Variants in TMEM259 observed in about 807,000 individuals in gnomAD.
TMEM259 encodes the protein membralin.
In TMEM259, 26 loss-of-function variants were observed where a neutral mutation model predicts 46.7. The observed-to-expected ratio is 0.56, with a 90% CI of 0.41 to 0.77. TMEM259 has a LOEUF of 0.77. Among genes scored for constraint, TMEM259 ranks in the 30% least tolerant of loss-of-function variants. The pLI is 0.00. For missense variants in TMEM259, 930 were observed against 900.5 expected, an observed-to-expected ratio of 1.03 and a Z score of -0.42; for synonymous variants, 494 against 395.1, an observed-to-expected ratio of 1.25 and a Z score of -2.97.
intron 1 of TMEM259, among the ~76,000 whole-genome samples, chr19:1,015,997 G>GAGCCCCATCACACTCCCC (rs1186865586): frequency 4.6e-5 from 7 of 152,276 alleles, no homozygotes; most frequent in Admixed American, 4.6e-4. Context: ...CACCTGGGGC[G>GAGCCCCATCACACTCCCC]AGCCCCATCA....
At chr19:1,014,097 C>A (rs2039027883) in intron 2 of TMEM259, 95 bp downstream of exon 2, 8 of 1,465,372 alleles carry the variant, frequency 5.5e-6, no homozygotes, top group Non-Finnish European at 7.4e-6. Context: ...AAGTCAAGAA[C>A]CCCAACATCC....
chr19:1,015,804 C>T (rs1266903344), intron 1 of TMEM259, among the ~76,000 whole-genome samples: 2 of 152,208 alleles, frequency 1.3e-5, no homozygotes, highest in South Asian at 4.1e-4. Context: ...ATAGGCAAGA[C>T]CACCAGGAGC....
In TMEM259 at chr19:1,011,617, G is replaced by T; in HGVS notation, c.1047C>A (p.Pro349=). ...MLEMNMAIAF[P]AAPLLTVILA... Reference sequence around the variant, plus strand: ...GGATGACGGTCAGCAGGGGCGCTGCGGGGAAGGCGATGGCCATGTTCATCT... The same window carrying T: ...GGATGACGGTCAGCAGGGGCGCTGCTGGGAAGGCGATGGCCATGTTCATCT... The change falls in exon 8 of 11, where the codon CCC becomes CCA. Residue 349 remains proline (P), a synonymous_variant. Transcript: ENST00000356663. The T allele has an allele frequency of 6.5e-7, 1 of 1,546,412 alleles. No individual in the cohort carries two copies.
At chr19:1,015,586 C>T (rs1034672007) in intron 1 of TMEM259, among the ~76,000 whole-genome samples, 1 of 152,204 alleles carries the variant, frequency 6.6e-6, no homozygotes, top group Non-Finnish European at 1.5e-5. Flanking sequence ...TCACGTCTAC[C>T]TGCTGCCCCG....
chr19:1,014,538 ACG>A (rs2039045164), intron 1 of TMEM259, 65 bp from the exon 2 acceptor site: 25 of 1,501,440 alleles, frequency 1.7e-5, no homozygotes, highest in Admixed American at 1.4e-4. Flanking sequence ...CCAAGGGCCT[ACG>A]TGATGGGGCG....
Position 1,014,276 on chromosome 19 carries a change from G to A in TMEM259, c.423C>T (p.Ala141=), listed in dbSNP as rs781696090. ...SGGRGSFPGL[A]VEPGSNLDME... ...TGTCCAGGTTGCTGCCTGGTTCCAC[G>A]GCCAGGCCCGGGAAGCTCCCGCGGC... The change falls in exon 2 of 11, where the codon GCC becomes GCT. Residue 141 remains alanine (A), a synonymous_variant. Coordinates refer to ENST00000356663, the MANE Select transcript of TMEM259 (RefSeq NM_001033026.2). The A allele has an allele frequency of 9.9e-6, 16 of 1,612,862 alleles. No individual in the cohort carries two copies. In the Admixed American group the frequency reaches 1.0e-4, roughly 10 times the overall value.
chr19:1,012,043 C>T (rs1277409596), intron 5 of TMEM259, 23 bp downstream of exon 5: 2 of 1,611,914 alleles, frequency 1.2e-6, no homozygotes, highest in African/African-American at 1.3e-5. Flanking sequence ...CCCTCGCACC[C>T]TCGGCCCCGG....
Position 1,009,731 on chromosome 19 carries a change from T to G in TMEM259, c.*619A>C. On this transcript the variant is annotated 3_prime_UTR_variant, in exon 11 of 11. Coordinates refer to ENST00000356663, the MANE Select transcript of TMEM259 (RefSeq NM_001033026.2). The stretch of plus-strand genomic sequence containing the variant: ...TTAAATAGAATGGAATGAGCGCTCC[T>G]CCGCATTCCTCCCCGAGTGACTGGT... The G allele has an allele frequency of 1.2e-6, 1 of 808,988 alleles. No homozygotes were observed. Among genetic ancestry groups the G allele is most frequent in the East Asian group, 3.4e-5 (1 of 29,378 alleles). 50.1% of individuals were successfully genotyped at this position (808,988 alleles called of 1,614,324 possible). A position where few individuals can be genotyped will look rare whatever the true frequency, so the allele number is the denominator to read the frequency against.
chr19:1,019,876 C>T (rs1228651815), intron 1 of TMEM259, among the ~76,000 whole-genome samples: 1 of 152,234 alleles, frequency 6.6e-6, no homozygotes, highest in Non-Finnish European at 1.5e-5. Flanking sequence ...AGCTTGTTTT[C>T]TGAGGGGCTG....
Position 1,021,077 on chromosome 19 carries a change from G to A in TMEM259, c.-81C>T. 2 of 1,251,582 alleles carry A rather than the reference G, an allele frequency of 1.6e-6. No individual in the cohort carries two copies. The highest frequency in any genetic ancestry group is 2.0e-6 in the Non-Finnish European group (2 of 990,256). The allele number at this position is 1,251,582 out of a possible 1,614,324, so 77.5% of individuals were successfully genotyped here. ...GCCATCGGCCGCCCTCGCAGCCGCC[G>A]CTCTCCTCACGGCCTCCCGGCCGCC... On this transcript the variant is annotated 5_prime_UTR_variant, in exon 1 of 11. Transcript: ENST00000356663.
chr19:1,014,125 GC>G, intron 2 of TMEM259, 66 bp downstream of exon 2: 1 of 1,541,412 alleles, frequency 6.5e-7, no homozygotes, highest in South Asian at 1.2e-5. Context: ...GTCAGGAACC[GC>G]CCCTTCAGCG....
Position 1,010,513 on chromosome 19 carries a change from G to C in TMEM259, c.1700C>G (p.Ala567Gly). The C allele has an allele frequency of 6.5e-7, 1 of 1,547,486 alleles. No individual in the cohort carries two copies. Among genetic ancestry groups the C allele is most frequent in the Non-Finnish European group, 8.7e-7 (1 of 1,146,458 alleles). Reference protein sequence around the residue: ...LSASLLERRPASPLGPAGGLP... With the variant: ...LSASLLERRPGSPLGPAGGLP... ...GCCCCCAGCAGGGCCCAGCGGGCTG[G>C]CTGGACGCCGCTCCAGGAGGGAGGC... is the stretch of plus-strand genomic sequence containing the variant. The change falls in exon 11 of 11, where the codon GCC becomes GGC. Residue 567 changes from alanine (A) to glycine (G), a missense_variant. Coordinates refer to ENST00000356663, the MANE Select transcript of TMEM259 (RefSeq NM_001033026.2).
rs1250614233 is a variant in TMEM259, at chr19:1,013,233, T to C, written c.607+8A>G. ...CGTGAGGCAGTACACCTTTGGTGGG[T>C]GGCCTACCTTTGGTGGGCGTCTCGG... On this transcript the variant is annotated splice_region_variant and intron_variant, in intron 3 of 10. Coordinates refer to ENST00000356663, the MANE Select transcript of TMEM259 (RefSeq NM_001033026.2). 6.2e-7 allele frequency: 1 copy of C among 1,611,714 alleles called. No individual in the cohort carries two copies.
rs1023356450 is a variant in TMEM259 at position 1,014,560 on chromosome 19, G to A, written c.226-87C>T. 2.1e-5 allele frequency: 29 copies of A among 1,401,344 alleles called. No homozygotes were observed. In the East Asian group the frequency reaches 2.1e-4, roughly 10 times the overall value. 86.8% of individuals were successfully genotyped at this position (1,401,344 alleles called of 1,614,324 possible). A position where few individuals can be genotyped will look rare whatever the true frequency, so the allele number is the denominator to read the frequency against. On this transcript the variant is annotated intron_variant, in intron 1 of 10. Coordinates refer to ENST00000356663, the MANE Select transcript of TMEM259 (RefSeq NM_001033026.2). ...CCTACGTGATGGGGCGTGATGGGGCGCGCTGGGACGCCCAGGACGGGGAAA... is the reference window on the plus strand; with the variant it reads ...CCTACGTGATGGGGCGTGATGGGGCACGCTGGGACGCCCAGGACGGGGAAA...
chr19:1,016,751 C>T (rs1478575708), intron 1 of TMEM259, among the ~76,000 whole-genome samples: 1 of 152,244 alleles, frequency 6.6e-6, no homozygotes, highest in Non-Finnish European at 1.5e-5. Flanking sequence ...GGAAGAGCAG[C>T]TCCTGGGGTT....
chr19:1,012,370 C>T, intron 4 of TMEM259, 93 bp downstream of exon 4: 1 of 1,508,894 alleles, frequency 6.6e-7, no homozygotes, highest in Non-Finnish European at 8.9e-7. Context: ...GTGCTTCCTG[C>T]ACAGCCCCCC....
chr19:1,016,768 G>A (rs1016352926), intron 1 of TMEM259, among the ~76,000 whole-genome samples: 1 of 152,194 alleles, frequency 6.6e-6, no homozygotes, highest in Non-Finnish European at 1.5e-5. Context: ...GGTTGCCCTG[G>A]GCAGGGTCAG....
rs375378449 is a variant in TMEM259, at chr19:1,014,176, C to T, written c.507+16G>A. ...GGCGCTGGCCTCTGCTGCAGCTGAG[C>T]CCAGGCCTGGCTCACCTTGATGGAG... On this transcript the variant is annotated intron_variant, in intron 2 of 10. Coordinates refer to ENST00000356663, the MANE Select transcript of TMEM259 (RefSeq NM_001033026.2). The T allele has an allele frequency of 3.4e-5, 55 of 1,597,748 alleles. No individual in the cohort carries two copies. The African/African-American group carries it at 7.1e-4, about 21-fold the overall frequency.
intron 1 of TMEM259, among the ~76,000 whole-genome samples, chr19:1,016,036 C>A (rs1181978471): frequency 7.1e-6 from 1 of 140,444 alleles, no homozygotes; most frequent in East Asian, 2.3e-4. Context: ...GCTGGAGAAT[C>A]CCTTGGGCTG....
Sources: allele counts gnomAD v4.1 joint callset (sites outside exome capture counted in the v4.1 genomes callset), GRCh38; gene constraint gnomAD v4.1.1; transcripts MANE v1.5; gene names NCBI Gene and HGNC (gene_info 2026-07-23, HGNC 2026-07-21).